Variants in HSPA12A observed in about 807,000 individuals in gnomAD.
HSPA12A encodes the protein heat shock protein family A (Hsp70) member 12A.
A neutral mutation model predicts 69.2 loss-of-function variants in HSPA12A; 28 were observed. That is an observed-to-expected ratio of 0.40 (90% CI 0.30 to 0.55). HSPA12A has a LOEUF of 0.55. Among genes scored for constraint, HSPA12A ranks in the 20% least tolerant of loss-of-function variants. The pLI, the probability that HSPA12A is intolerant of heterozygous loss-of-function variation, is 0.38. For synonymous variants in HSPA12A, 345 were observed against 370.5 expected (o/e 0.93, Z 0.79); for missense variants, 686 against 900.7 (o/e 0.76, Z 3.05).
intron 1 of HSPA12A, among the ~76,000 whole-genome samples, chr10:116,849,117 C>T (rs1452979350): frequency 1.3e-5 from 2 of 152,060 alleles, no homozygotes; most frequent in Admixed American, 1.3e-4. Flanking sequence ...CGGAGGAGCT[C>T]ACTAACAGCA....
At chr10:116,721,432 A>C (rs530949720) in intron 1 of HSPA12A, among the ~76,000 whole-genome samples, 2 of 152,220 alleles carry the variant, frequency 1.3e-5, no homozygotes, top group African/African-American at 2.4e-5. Context: ...AGCTGTGATG[A>C]GGCCAGCAGG....
intron 5 of HSPA12A, among the ~76,000 whole-genome samples, chr10:116,696,604 A>T (rs1849912430): frequency 6.6e-6 from 1 of 152,172 alleles, no homozygotes; most frequent in African/African-American, 2.4e-5. Context: ...TAGCAGCATT[A>T]GAACAGACTA....
At chr10:116,692,517 G>A (rs1849766058) in intron 5 of HSPA12A, 50 bp from the exon 6 acceptor site, 1 of 1,438,728 alleles carries the variant, frequency 7.0e-7, no homozygotes, top group African/African-American at 1.4e-5. Flanking sequence ...GCTGGTTCCT[G>A]GAGCAGCCTC....
intron 1 of HSPA12A, 52 bp downstream of exon 1, chr10:116,742,378 C>G: frequency 1.4e-6 from 2 of 1,421,392 alleles, no homozygotes; most frequent in Non-Finnish European, 1.8e-6. Context: ...AGCGCGCCTC[C>G]TCCCTCCCTG....
At chr10:116,684,308 G>A (rs149842785) in intron 6 of HSPA12A, among the ~76,000 whole-genome samples, 145 of 152,198 alleles carry the variant, frequency 9.5e-4, no homozygotes, top group African/African-American at 3.1e-3. Flanking sequence ...GGAGGCACAC[G>A]GGCTTCCATG....
chr10:116,712,054 C>A (rs1335076295), intron 1 of HSPA12A, among the ~76,000 whole-genome samples: 1 of 152,108 alleles, frequency 6.6e-6, no homozygotes, highest in South Asian at 2.1e-4. Context: ...GGGGAAGAGA[C>A]CTTTCTGGGG....
chr10:116,781,524 T>G lies in HSPA12A; in HGVS notation c.91+53411A>C, dbSNP rs909032834. On this transcript the variant is annotated intron_variant, in intron 2 of 12. Transcript: ENST00000635765. Reference sequence around the variant, plus strand: ...GAAGGGGAGGAGTGGGGAGGGGTGGTGCAGGAGCCCCACAGCCCTGGGTCC... The same window carrying G: ...GAAGGGGAGGAGTGGGGAGGGGTGGGGCAGGAGCCCCACAGCCCTGGGTCC... Among the ~76,000 whole-genome samples, 119 of 152,060 alleles carry G rather than the reference T, an allele frequency of 7.8e-4. 2 individuals are homozygous for G. Among genetic ancestry groups the G allele is most frequent in the Non-Finnish European group, 7.5e-4 (51 of 67,998 alleles).
intron 1 of HSPA12A, among the ~76,000 whole-genome samples, chr10:116,841,732 C>G (rs1351504688): frequency 6.6e-6 from 1 of 151,870 alleles, no homozygotes; most frequent in Non-Finnish European, 1.5e-5. Context: ...ATTTACTCCT[C>G]CAGAATACAG....
chr10:116,803,789 C>G (rs1845010044), intron 2 of HSPA12A, among the ~76,000 whole-genome samples: 1 of 152,206 alleles, frequency 6.6e-6, no homozygotes, highest in Non-Finnish European at 1.5e-5. Context: ...ACCAAGTCTC[C>G]CTTCCCGTCT....
chr10:116,825,598 A>G (rs1212199729), intron 2 of HSPA12A, among the ~76,000 whole-genome samples: 1 of 152,224 alleles, frequency 6.6e-6, no homozygotes, highest in African/African-American at 2.4e-5. Context: ...AAGCAGTTAA[A>G]CAAAAGAATG....
intron 1 of HSPA12A, among the ~76,000 whole-genome samples, chr10:116,737,968 G>A (rs1851364308): frequency 1.3e-5 from 2 of 152,184 alleles, no homozygotes; most frequent in Non-Finnish European, 2.9e-5. Flanking sequence ...CCCAGGCCTG[G>A]GGGTGCCCGC....
intron 1 of HSPA12A, among the ~76,000 whole-genome samples, chr10:116,839,041 C>T (rs1409153263): frequency 2.0e-5 from 3 of 152,208 alleles, no homozygotes; most frequent in Non-Finnish European, 4.4e-5. Context: ...ATCCTTTATA[C>T]TTTAATAAAA....
chr10:116,697,147 T>C (rs3010479), intron 5 of HSPA12A, among the ~76,000 whole-genome samples: 80,345 of 152,100 alleles, frequency 0.53, 21,636 homozygotes, highest in Middle Eastern at 0.66. Flanking sequence ...TTCTCACTTC[T>C]TCTTTGTCTC....
chr10:116,676,349 C>A, intron 11 of HSPA12A, 50 bp downstream of exon 11: 1 of 1,450,058 alleles, frequency 6.9e-7, no homozygotes, highest in Non-Finnish European at 9.7e-7. Flanking sequence ...AAAGCCCATC[C>A]CCTTTCTCAG....
chr10:116,764,461 A>C (rs1482529644), intron 2 of HSPA12A, among the ~76,000 whole-genome samples: 7 of 152,234 alleles, frequency 4.6e-5, no homozygotes, highest in African/African-American at 1.7e-4. Context: ...ATGTTAAGAA[A>C]AACAAGCAAA....
At chr10:116,711,657 C>CT (rs782816658) in intron 1 of HSPA12A, among the ~76,000 whole-genome samples, 16 of 19,930 alleles carry the variant, frequency 8.0e-4, no homozygotes, top group African/African-American at 3.1e-3. Context: ...CTGACTCTTT[C>CT]TTTTTTTTTC....
At chr10:116,765,940 C>T (rs1012771756) in intron 2 of HSPA12A, among the ~76,000 whole-genome samples, 2 of 152,216 alleles carry the variant, frequency 1.3e-5, no homozygotes, top group East Asian at 3.9e-4. Context: ...TTGGACATTG[C>T]TTCATAGCTG....
chr10:116,836,204 G>C (rs998947722), intron 1 of HSPA12A, among the ~76,000 whole-genome samples: 1 of 152,076 alleles, frequency 6.6e-6, no homozygotes, highest in Non-Finnish European at 1.5e-5. Context: ...CTCCAGCTGC[G>C]GAGCTTATTG....
chr10:116,790,092 C>CTTTTTTTT (rs140785704), intron 2 of HSPA12A, among the ~76,000 whole-genome samples: 2 of 69,120 alleles, frequency 2.9e-5, no homozygotes, highest in African/African-American at 5.1e-5. Flanking sequence ...GATAATCTTT[C>CTTTTTTTT]TTTTTTTTTT....
Sources: gnomAD v4.1 joint callset for allele counts (sites outside exome capture counted in the v4.1 genomes callset) on GRCh38, gnomAD v4.1.1 for gene constraint, MANE v1.5 for transcripts, NCBI Gene and HGNC (gene_info 2026-07-23, HGNC 2026-07-21) for gene names.